DMD: variants seen among roughly 807,000 people sequenced by gnomAD.
DMD encodes dystrophin.
Under a neutral mutation model 330.1 loss-of-function variants are expected in DMD, and 63 were observed. The observed-to-expected ratio is 0.19, with a 90% CI of 0.16 to 0.24. The LOEUF is 0.24. DMD is among the 10% of genes least tolerant of loss of function. The pLI is 1.00. For missense variants in DMD, 3,344 were observed against 2,684.1 expected (o/e 1.25, Z -5.43); for synonymous variants, 1,223 against 959.8 (o/e 1.27, Z -5.07).
chrX:32,058,221 A>G (rs1421550323), intron 44 of DMD, among the ~76,000 whole-genome samples: 1 of 111,113 alleles, frequency 9.0e-6, no homozygotes, highest in Non-Finnish European at 1.9e-5. Context: ...AACAAAAACA[A>G]AACTAGATAA....
rs905114106 is a variant in DMD at position 32,435,326 on chromosome X, T to C, written c.4071+2915A>G. Among the ~76,000 whole-genome samples, 12 of 91,620 alleles carry C rather than the reference T, an allele frequency of 1.3e-4. No homozygotes were observed. The East Asian group carries it at 5.2e-3, about 40-fold the overall frequency. The allele number at this position is 91,620 out of a possible 115,157, so 79.6% of individuals were successfully genotyped here. On this transcript the variant is annotated intron_variant, in intron 29 of 78. Transcript: ENST00000357033. ...CACCCATACAAACACACACACACAA[T>C]TTTTGAGGGCTGATACTCTAGAATA...
At chrX:31,774,404 C>A (rs187201358) in intron 50 of DMD, among the ~76,000 whole-genome samples, 1 of 111,153 alleles carries the variant, frequency 9.0e-6, no homozygotes, top group African/African-American at 3.3e-5. Context: ...AAGATTCAAC[C>A]TTTTCATTAA....
chrX:31,881,518 A>C (rs768848874), intron 47 of DMD, among the ~76,000 whole-genome samples: 1 of 111,949 alleles, frequency 8.9e-6, no homozygotes, highest in Non-Finnish European at 1.9e-5. Context: ...GCTCACCACT[A>C]CCACTCACTC....
intron 44 of DMD, among the ~76,000 whole-genome samples, chrX:31,977,787 CAAA>C (rs759262885): frequency 0.061 from 3,686 of 60,269 alleles, 65 homozygotes; most frequent in Non-Finnish European, 0.092. Flanking sequence ...CTCTGCAAAT[CAAA>C]AAAAAAAAAA....
intron 9 of DMD, among the ~76,000 whole-genome samples, chrX:32,662,871 T>G (rs2061038658): frequency 8.9e-6 from 1 of 112,060 alleles, no homozygotes; most frequent in Admixed American, 9.5e-5. Flanking sequence ...AGATATTTAA[T>G]GTATACTGTG....
intron 48 of DMD, among the ~76,000 whole-genome samples, chrX:31,863,886 A>C (rs985083262): frequency 2.7e-5 from 3 of 110,848 alleles, no homozygotes; most frequent in African/African-American, 9.8e-5. Flanking sequence ...TTAGAATACA[A>C]TTCATTGGGG....
At chrX:32,244,996 T>A (rs1384286610) in intron 43 of DMD, among the ~76,000 whole-genome samples, 2 of 72,475 alleles carry the variant, frequency 2.8e-5, no homozygotes, top group African/African-American at 1.1e-4. Context: ...TTGGCTTTTG[T>A]TGCCATTGCT....
At chrX:31,398,265 A>T (rs2061036794) in intron 60 of DMD, among the ~76,000 whole-genome samples, 1 of 112,208 alleles carries the variant, frequency 8.9e-6, no homozygotes, top group Non-Finnish European at 1.9e-5. Context: ...CTCTGAACTA[A>T]GCCACTAAAA....
chrX:31,329,304 G>C (rs181542243), intron 61 of DMD, among the ~76,000 whole-genome samples: 1 of 111,478 alleles, frequency 9.0e-6, no homozygotes, highest in Non-Finnish European at 1.9e-5. Context: ...AAGGAAGATC[G>C]TACAAAGAGA....
intron 52 of DMD, among the ~76,000 whole-genome samples, chrX:31,721,517 C>T (rs2037499792): frequency 9.3e-6 from 1 of 107,663 alleles, no homozygotes; most frequent in Non-Finnish European, 1.9e-5. Context: ...CTCCATCCTG[C>T]CAGGCTTTTG....
At chrX:32,357,932 G>C (rs1436335558) in intron 37 of DMD, among the ~76,000 whole-genome samples, 3 of 108,746 alleles carry the variant, frequency 2.8e-5, no homozygotes, top group African/African-American at 1.0e-4. Context: ...CCTCCTCTGT[G>C]TTGCTGGAGT....
intron 30 of DMD, among the ~76,000 whole-genome samples, chrX:32,394,916 CA>C (rs72234458): frequency 2.2e-3 from 85 of 39,052 alleles, no homozygotes; most frequent in African/African-American, 4.9e-3. Context: ...AACAAAAAAA[CA>C]AAAAAAAAAA....
chrX:31,585,882 A>C (rs1169471357), intron 55 of DMD, among the ~76,000 whole-genome samples: 2 of 111,346 alleles, frequency 1.8e-5, no homozygotes, highest in Non-Finnish European at 3.8e-5. Context: ...TTCAGTGGCA[A>C]AAGCCAATGA....
In DMD at chrX:32,067,792, T is replaced by C. The variant is rs181760617; in HGVS notation, c.6439-99278A>G. ...CTATGTTGATCCCATTACTTTGCTA[T>C]TGTGCATAGTGCTGTGACAAACATG... On this transcript the variant is annotated intron_variant, in intron 44 of 78. Coordinates refer to ENST00000357033, the MANE Select transcript of DMD (RefSeq NM_004006.3). Among the ~76,000 whole-genome samples the C allele has an allele frequency of 3.6e-5, 4 of 112,343 alleles. No homozygotes were observed. The East Asian group carries it at 1.1e-3, about 32-fold the overall frequency.
chrX:33,182,510 G>C (rs982072113), intron 1 of DMD, among the ~76,000 whole-genome samples: 8 of 110,483 alleles, frequency 7.2e-5, no homozygotes, highest in African/African-American at 2.6e-4. Context: ...GGGCTCAAGG[G>C]ATCCTCTCTC....
At chrX:32,808,516 C>T (rs2077117050) in intron 7 of DMD, among the ~76,000 whole-genome samples, 2 of 111,659 alleles carry the variant, frequency 1.8e-5, no homozygotes, top group African/African-American at 6.5e-5. Context: ...TCTGCGTCTG[C>T]AAAACTGAGT....
chrX:31,748,101 C>T (rs1421829753), intron 51 of DMD, among the ~76,000 whole-genome samples: 2 of 111,707 alleles, frequency 1.8e-5, no homozygotes, highest in African/African-American at 6.5e-5. Context: ...ATGTTCTCTG[C>T]CCTTTGTCTC....
chrX:32,039,123 G>A (rs2095977443), intron 44 of DMD, among the ~76,000 whole-genome samples: 2 of 111,140 alleles, frequency 1.8e-5, no homozygotes, highest in African/African-American at 6.5e-5. Flanking sequence ...CCAATGTAAA[G>A]GAGGGGGGGA....
chrX:32,702,572 GA>G (rs1475208602), intron 7 of DMD, among the ~76,000 whole-genome samples: 74 of 111,259 alleles, frequency 6.7e-4, no homozygotes, highest in Admixed American at 3.9e-3. Flanking sequence ...CAATAGACTA[GA>G]GAGTAAATAC....
Sources: allele counts gnomAD v4.1 joint callset (sites outside exome capture counted in the v4.1 genomes callset), GRCh38; gene constraint gnomAD v4.1.1; transcripts MANE v1.5; gene names NCBI Gene and HGNC (gene_info 2026-07-23, HGNC 2026-07-21).